The following DAPL1 variants were observed in gnomAD, a reference collection of about 807,000 sequenced individuals.
DAPL1 encodes the protein death-associated protein-like 1.
Under a neutral mutation model 12.9 loss-of-function variants are expected in DAPL1, and 17 were observed. The observed-to-expected ratio is 1.32, with a 90% CI of 0.90 to 1.98. The LOEUF (loss-of-function observed/expected upper bound fraction) is 1.98, where lower values mean the gene tolerates loss of function less well. DAPL1 is among the 30% of genes most tolerant of loss of function. The probability of loss-of-function intolerance (pLI) is 0.00; values close to 1 mark genes in which losing one functional copy is unlikely to be tolerated. For missense variants in DAPL1, 157 were observed against 125.7 expected, an observed-to-expected ratio of 1.25 and a Z score of -1.19; for synonymous variants, 51 against 42.0, an observed-to-expected ratio of 1.21 and a Z score of -0.82.
chr2:158,803,142 G>A (rs183561128), intron 1 of DAPL1, among the ~76,000 whole-genome samples: 92 of 152,362 alleles, frequency 6.0e-4, no homozygotes, highest in African/African-American at 1.8e-3. Flanking sequence ...CTGAGTGTAT[G>A]TGTAGAATAA....
At chr2:158,806,092 C>T (rs2105152553) in intron 2 of DAPL1, among the ~76,000 whole-genome samples, 1 of 148,472 alleles carries the variant, frequency 6.7e-6, no homozygotes, top group African/African-American at 2.4e-5. Context: ...GATAGGAAAG[C>T]CTTGTTTTCA....
chr2:158,808,051 A>G (rs1231399019), intron 3 of DAPL1, among the ~76,000 whole-genome samples: 1 of 152,224 alleles, frequency 6.6e-6, no homozygotes, highest in Non-Finnish European at 1.5e-5. Flanking sequence ...CAAATTTTGT[A>G]GGTGAGCTGA....
chr2:158,810,107 C>G (rs1356172), intron 3 of DAPL1, among the ~76,000 whole-genome samples: 137,544 of 152,258 alleles, frequency 0.9, 62,219 homozygotes, highest in Middle Eastern at 0.93. Context: ...CATGAAAAAG[C>G]GTAAATTTTA....
Position 158,797,583 on chromosome 2 carries a change from G to A in DAPL1, c.58+2153G>A, listed in dbSNP as rs181597647. On this transcript the variant is annotated intron_variant, in intron 1 of 3. Coordinates refer to ENST00000309950, the MANE Select transcript of DAPL1 (RefSeq NM_001017920.3). Reference sequence around the variant, plus strand: ...GAGGTGGGTGGATCACCTGAGGTCAGGAGTTCAAGACCAGCCTGGCCAACA... The same window carrying A: ...GAGGTGGGTGGATCACCTGAGGTCAAGAGTTCAAGACCAGCCTGGCCAACA... Among the ~76,000 whole-genome samples, 74 of 152,292 alleles carry A rather than the reference G, an allele frequency of 4.9e-4. No individual in the cohort carries two copies. In the East Asian group the frequency reaches 0.011, roughly 22 times the overall value.
intron 1 of DAPL1, among the ~76,000 whole-genome samples, chr2:158,796,396 G>A (rs986385079): frequency 3.9e-5 from 6 of 152,094 alleles, no homozygotes; most frequent in Admixed American, 2.0e-4. Flanking sequence ...GCTTTCCGGC[G>A]GGTAGCCTGG....
chr2:158,813,234 G>A (rs1041557625), intron 3 of DAPL1, among the ~76,000 whole-genome samples: 2 of 152,146 alleles, frequency 1.3e-5, no homozygotes, highest in Non-Finnish European at 2.9e-5. Context: ...CTTGGAGGAG[G>A]AGGGAATGGA....
chr2:158,802,366 T>C (rs1575225844), intron 1 of DAPL1, among the ~76,000 whole-genome samples: 2 of 152,346 alleles, frequency 1.3e-5, no homozygotes, highest in East Asian at 3.9e-4. Flanking sequence ...ATCACCTCCA[T>C]CTTAGAATGA....
At chr2:158,801,332 G>T (rs948365508) in intron 1 of DAPL1, among the ~76,000 whole-genome samples, 14 of 152,234 alleles carry the variant, frequency 9.2e-5, no homozygotes, top group African/African-American at 3.4e-4. Context: ...CTGTTGGGAG[G>T]TGTATCAAAG....
chr2:158,810,538 C>T (rs957784683), intron 3 of DAPL1, among the ~76,000 whole-genome samples: 2 of 152,230 alleles, frequency 1.3e-5, no homozygotes, highest in Non-Finnish European at 2.9e-5. Context: ...ATTCCTACTT[C>T]AAAATCAACA....
chr2:158,808,665 G>A (rs2059214344), intron 3 of DAPL1, among the ~76,000 whole-genome samples: 2 of 152,186 alleles, frequency 1.3e-5, no homozygotes, highest in Admixed American at 1.3e-4. Flanking sequence ...TGGCTTCAGA[G>A]GCAGGGCTGG....
intron 1 of DAPL1, among the ~76,000 whole-genome samples, chr2:158,802,382 G>C (rs1350419488): frequency 6.6e-6 from 1 of 152,148 alleles, no homozygotes; most frequent in Non-Finnish European, 1.5e-5. Context: ...AATGAGCGAG[G>C]CACATTCCTT....
intron 3 of DAPL1, among the ~76,000 whole-genome samples, chr2:158,808,015 G>GTT (rs944094059): frequency 3.3e-5 from 5 of 152,204 alleles, no homozygotes; most frequent in African/African-American, 1.2e-4. Context: ...CAGTGGTTTG[G>GTT]TTTTCCGGAT....
At chr2:158,801,713 A>G (rs2059168974) in intron 1 of DAPL1, among the ~76,000 whole-genome samples, 1 of 152,186 alleles carries the variant, frequency 6.6e-6, no homozygotes, top group East Asian at 1.9e-4. Context: ...GAATGCAGGA[A>G]TGGTTGAATA....
intron 3 of DAPL1, 45 bp downstream of exon 3, chr2:158,807,160 A>C: frequency 6.6e-7 from 1 of 1,514,618 alleles, no homozygotes. Flanking sequence ...CAATCTGCCC[A>C]GTGGATCCAG....
chr2:158,812,934 T>C (rs1453821984), intron 3 of DAPL1, among the ~76,000 whole-genome samples: 3 of 152,064 alleles, frequency 2.0e-5, no homozygotes, highest in Admixed American at 2.0e-4. Flanking sequence ...CCAATATTCA[T>C]AGCTGCATCA....
chr2:158,806,365 T>C (rs892807140), intron 2 of DAPL1, among the ~76,000 whole-genome samples: 1 of 152,128 alleles, frequency 6.6e-6, no homozygotes, highest in Non-Finnish European at 1.5e-5. Context: ...GTACAAGCTG[T>C]AGACGGTTCA....
intron 3 of DAPL1, among the ~76,000 whole-genome samples, chr2:158,813,590 C>T (rs2059243344): frequency 1.4e-5 from 2 of 139,110 alleles, no homozygotes; most frequent in African/African-American, 2.7e-5. Flanking sequence ...GAGTCTTGCT[C>T]TGTCGCCCAG....
intron 1 of DAPL1, among the ~76,000 whole-genome samples, chr2:158,800,486 C>T (rs770789626): frequency 6.6e-6 from 1 of 152,110 alleles, no homozygotes; most frequent in Admixed American, 6.6e-5. Flanking sequence ...CTTATGTCAC[C>T]TCTATTTTCT....
intron 1 of DAPL1, among the ~76,000 whole-genome samples, chr2:158,799,666 C>G (rs1353326739): frequency 6.6e-6 from 1 of 152,104 alleles, no homozygotes; most frequent in Admixed American, 6.6e-5. Context: ...CTTCTTTCTA[C>G]TGTACATAGA....
Sources: gnomAD v4.1 joint callset for allele counts (sites outside exome capture counted in the v4.1 genomes callset) on GRCh38, gnomAD v4.1.1 for gene constraint, MANE v1.5 for transcripts, NCBI Gene and HGNC (gene_info 2026-07-23, HGNC 2026-07-21) for gene names.